Variants in LRPAP1 observed in about 807,000 individuals in gnomAD.
LRPAP1 encodes the protein alpha-2-macroglobulin receptor-associated protein.
LRPAP1 carries 41 observed loss-of-function variants against 39.9 expected under a neutral mutation model. The ratio of observed to expected loss-of-function variants is 1.03; its 90% CI spans 0.80 to 1.33. The LOEUF is 1.33. LRPAP1 is among the 40% of genes most tolerant of loss of function. The pLI is 0.00. For missense variants in LRPAP1, 565 were observed against 482.3 expected (o/e 1.17, Z -1.61); for synonymous variants, 263 against 212.7 (o/e 1.24, Z -2.06).
chr4:3,518,903 T>C lies in LRPAP1; in HGVS notation c.560A>G (p.Asn187Ser), dbSNP rs145265768. The change falls in exon 4 of 8, where the codon AAC (asparagine) becomes AGC (serine). Residue 187 changes from asparagine (N) to serine (S), a missense_variant. By Grantham distance (46) the Asn-to-Ser change is conservative. Transcript: ENST00000650182. ...CCTGCTCAGGGTCTCCAGCAGGACG[T>C]TGTACTCGTGAACTTTCTCTTTGTG... The part of the protein sequence containing the change: ...LHHKEKVHEY[N>S]VLLETLSRTE... The C allele has an allele frequency of 7.0e-4, 1,129 of 1,612,764 alleles. No homozygotes were observed. The highest frequency in any genetic ancestry group is 8.3e-4 in the Non-Finnish European group (978 of 1,179,618).
chr4:3,521,871 C>A (rs552745162), intron 2 of LRPAP1, among the ~76,000 whole-genome samples: 3 of 152,306 alleles, frequency 2.0e-5, no homozygotes, highest in African/African-American at 7.2e-5. Flanking sequence ...CGCGGTGGCT[C>A]ATGCCTGTGA....
Position 3,532,395 on chromosome 4 carries a change from G to A in LRPAP1, c.18C>T (p.Val6=), listed in dbSNP as rs764741568. 1.3e-5 allele frequency: 21 copies of A among 1,580,256 alleles called. No homozygotes were observed. The highest frequency in any genetic ancestry group is 8.9e-5 in the Admixed American group (5 of 56,364). MAPRR[V]RSFLRGLPAL... Reference sequence around the variant, plus strand: ...CCGGGAGCCCGCGCAGAAACGACCTGACCCTCCGCGGCGCCATCTTCCTCT... The same window carrying A: ...CCGGGAGCCCGCGCAGAAACGACCTAACCCTCCGCGGCGCCATCTTCCTCT... Residue 6 remains valine, a synonymous_variant, in exon 1 of 8, where the codon GTC becomes GTT. Coordinates refer to ENST00000650182, the MANE Select transcript of LRPAP1 (RefSeq NM_002337.4).
At position 3,503,930 on chromosome 4, in the gene LRPAP1, A is replaced by C. The variant is rs140780854; in HGVS notation, c.*9044T>G. On this transcript the variant is annotated 3_prime_UTR_variant, in exon 8 of 8. Coordinates refer to ENST00000650182, the MANE Select transcript of LRPAP1 (RefSeq NM_002337.4). ...GGGGCCCAGGAAGGTCGTGAGCGCC[A>C]AGCACCCAGTGCTGCTGCCCCAGGG... is the stretch of plus-strand genomic sequence containing the variant. The C allele has an allele frequency of 1.3e-5, 2 of 152,452 alleles. No individual in the cohort carries two copies. Among genetic ancestry groups the C allele is most frequent in the African/African-American group, 2.4e-5 (1 of 41,598 alleles). 9.4% of individuals were successfully genotyped at this position (152,452 alleles called of 1,614,324 possible).
rs1729349711 is a variant in LRPAP1 at position 3,506,205 on chromosome 4, G to C, written c.*6769C>G. On this transcript the variant is annotated 3_prime_UTR_variant, in exon 8 of 8. Transcript: ENST00000650182. ...AGGCTCCCGAGTAGCTGGGATTATA[G>C]GCAGATGCTGCCACCACTCCTGGTT... Among the ~76,000 whole-genome samples, 1 of 152,020 alleles carries C rather than the reference G, an allele frequency of 6.6e-6. No individual in the cohort carries two copies. The highest frequency in any genetic ancestry group is 1.5e-5 in the Non-Finnish European group (1 of 68,010).
At position 3,519,969 on chromosome 4, in the gene LRPAP1, C is replaced by T. The variant is rs1729854429; in HGVS notation, c.471+103G>A. 8.5e-6 allele frequency: 12 copies of T among 1,419,232 alleles called. No individual in the cohort carries two copies. In the East Asian group the frequency reaches 2.1e-4, roughly 25 times the overall value. The allele number at this position is 1,419,232 out of a possible 1,614,324, so 87.9% of individuals were successfully genotyped here. A position where few individuals can be genotyped will look rare whatever the true frequency, so the allele number is the denominator to read the frequency against. On this transcript the variant is annotated intron_variant, in intron 3 of 7. Coordinates refer to ENST00000650182, the MANE Select transcript of LRPAP1 (RefSeq NM_002337.4). ...ACCGTCTTCCTGAGACTTTCCCAAA[C>T]CCCGGCTCCCATGCAGAGCAGAGAC...
chr4:3,511,294 C>G lies in LRPAP1; in HGVS notation c.*1680G>C, dbSNP rs967981251. ...CTATTTCCAAGTGAGTGTTATTACCCCAGAAAGGAAGCAACTCAAATATCC... is the reference window on the plus strand; with the variant it reads ...CTATTTCCAAGTGAGTGTTATTACCGCAGAAAGGAAGCAACTCAAATATCC... On this transcript the variant is annotated 3_prime_UTR_variant, in exon 8 of 8. Coordinates refer to ENST00000650182, the MANE Select transcript of LRPAP1 (RefSeq NM_002337.4). The G allele has an allele frequency of 1.3e-5, 2 of 149,876 alleles. No individual in the cohort carries two copies. The highest frequency in any genetic ancestry group is 3.0e-5 in the Non-Finnish European group (2 of 67,544). 9.3% of individuals were successfully genotyped at this position (149,876 alleles called of 1,614,324 possible).
chr4:3,514,684 G>A, intron 7 of LRPAP1, 68 bp downstream of exon 7: 2 of 1,523,336 alleles, frequency 1.3e-6, no homozygotes, highest in Non-Finnish European at 1.8e-6. Flanking sequence ...GCCCTGAGCT[G>A]CATGTGGGCG....
At chr4:3,528,311 T>A (rs1438251433) in intron 1 of LRPAP1, among the ~76,000 whole-genome samples, 1 of 152,222 alleles carries the variant, frequency 6.6e-6, no homozygotes, top group Non-Finnish European at 1.5e-5. Context: ...GCCGGTCCTG[T>A]GTCCCCAGAC....
intron 7 of LRPAP1, 43 bp from the exon 8 acceptor site, chr4:3,513,079 G>A (rs1348885618): frequency 4.0e-6 from 6 of 1,505,752 alleles, no homozygotes; most frequent in East Asian, 2.3e-5. Context: ...AGCGCGCCTC[G>A]AGGCCAGCTC....
intron 1 of LRPAP1, 93 bp downstream of exon 1, chr4:3,532,116 C>T: frequency 1.4e-6 from 2 of 1,381,818 alleles, no homozygotes; most frequent in Non-Finnish European, 2.0e-6. Context: ...GGCTGCGCCC[C>T]CCTCCGCCTC....
chr4:3,529,956 T>C lies in LRPAP1; in HGVS notation c.204+2253A>G, dbSNP rs370620688. Among the ~76,000 whole-genome samples, 243 of 152,228 alleles carry C rather than the reference T, an allele frequency of 1.6e-3. 2 individuals carry two copies. In the South Asian group the frequency reaches 0.03, roughly 19 times the overall value. On this transcript the variant is annotated intron_variant, in intron 1 of 7. Coordinates refer to ENST00000650182, the MANE Select transcript of LRPAP1 (RefSeq NM_002337.4). ...GCAGGTCGCAGGAGGCTGAGAGCAGTGGCTGCAGAGCCGGGCAGGAAGTGC... is the reference window on the plus strand; with the variant it reads ...GCAGGTCGCAGGAGGCTGAGAGCAGCGGCTGCAGAGCCGGGCAGGAAGTGC...
At chr4:3,531,866 G>A (rs1035981073) in intron 1 of LRPAP1, 1 of 363,900 alleles carries the variant, frequency 2.7e-6, no homozygotes, top group Non-Finnish European at 5.0e-6. Context: ...GAGGGAACAG[G>A]CAAAGGCTCG....
At position 3,512,120 on chromosome 4, in the gene LRPAP1, G is replaced by T. The variant is rs997876227; in HGVS notation, c.*854C>A. The T allele has an allele frequency of 6.6e-6, 1 of 152,110 alleles. No individual in the cohort carries two copies. The highest frequency in any genetic ancestry group is 2.4e-5 in the African/African-American group (1 of 41,330). 9.4% of individuals were successfully genotyped at this position (152,110 alleles called of 1,614,324 possible). The stretch of plus-strand genomic sequence containing the variant: ...GGGAACCACGCCTGGAGCCAGACCC[G>T]AGCCTCTTCCAGGCTCAGACACAGG... On this transcript the variant is annotated 3_prime_UTR_variant, in exon 8 of 8. Transcript: ENST00000650182.
At chr4:3,519,092 A>C in intron 3 of LRPAP1, 101 bp from the exon 4 acceptor site, 1 of 1,530,482 alleles carries the variant, frequency 6.5e-7, no homozygotes, top group Non-Finnish European at 8.8e-7. Context: ...GCCCTTGCCT[A>C]CGTGAGTGCC....
At chr4:3,525,572 C>T (rs951098140) in intron 1 of LRPAP1, among the ~76,000 whole-genome samples, 2 of 152,184 alleles carry the variant, frequency 1.3e-5, no homozygotes, top group Non-Finnish European at 2.9e-5. Flanking sequence ...GGTTCTTACA[C>T]AGCCCCAGAT....
chr4:3,532,193 C>G lies in LRPAP1; in HGVS notation c.204+16G>C, dbSNP rs111316329. On this transcript the variant is annotated intron_variant, in intron 1 of 7. Transcript: ENST00000650182. Reference sequence around the variant, plus strand: ...CGCCCCCAGGCCCCGCTCCACCGACCGCGGGCCGCGCTCACTCGCTGGGCC... The same window carrying G: ...CGCCCCCAGGCCCCGCTCCACCGACGGCGGGCCGCGCTCACTCGCTGGGCC... The G allele has an allele frequency of 6.5e-4, 777 of 1,190,538 alleles. 1 individual carries two copies. The highest frequency in any genetic ancestry group is 8.7e-4 in the Admixed American group (34 of 39,144). 73.7% of individuals were successfully genotyped at this position (1,190,538 alleles called of 1,614,324 possible). A position where few individuals can be genotyped will look rare whatever the true frequency, so the allele number is the denominator to read the frequency against.
chr4:3,526,284 G>A (rs890801177), intron 1 of LRPAP1, among the ~76,000 whole-genome samples: 2 of 152,284 alleles, frequency 1.3e-5, no homozygotes, highest in East Asian at 1.9e-4. Context: ...TGAGCTGCCC[G>A]TGGCTCTAGG....
chr4:3,517,081 G>C (rs952445095), intron 5 of LRPAP1, among the ~76,000 whole-genome samples: 3 of 151,756 alleles, frequency 2.0e-5, no homozygotes, highest in Admixed American at 6.6e-5. Context: ...CCTACAAGGT[G>C]GTCCAGCCCC....
chr4:3,532,084 G>T (rs1730272037), intron 1 of LRPAP1, 125 bp downstream of exon 1: 1 of 1,079,802 alleles, frequency 9.3e-7, no homozygotes, highest in Non-Finnish European at 1.3e-6. Flanking sequence ...CAAGGACAGG[G>T]CGCGTAGGGC....
Sources: allele counts gnomAD v4.1 joint callset (sites outside exome capture counted in the v4.1 genomes callset), GRCh38; gene constraint gnomAD v4.1.1; transcripts MANE v1.5; gene names NCBI Gene and HGNC (gene_info 2026-07-23, HGNC 2026-07-21).